Variants in LRRTM4 observed in about 807,000 individuals in gnomAD.
LRRTM4 encodes the protein leucine rich repeat transmembrane neuronal 4.
In LRRTM4, 25 loss-of-function variants were observed where a neutral mutation model predicts 47.6. The ratio of observed to expected loss-of-function variants is 0.53; its 90% CI spans 0.38 to 0.73. The LOEUF is 0.73. Among genes scored for constraint, LRRTM4 ranks in the 30% least tolerant of loss-of-function variants. LRRTM4 has a pLI of 0.00. For missense variants in LRRTM4, 638 were observed against 713.4 expected (o/e 0.89, Z 1.20); for synonymous variants, 311 against 269.5 (o/e 1.15, Z -1.51).
chr2:76,924,672 C>T (rs1356284374), intron 3 of LRRTM4, among the ~76,000 whole-genome samples: 1 of 151,778 alleles, frequency 6.6e-6, no homozygotes, highest in African/African-American at 2.4e-5. Flanking sequence ...TTTGCATTGG[C>T]TTATGCATGA....
chr2:77,126,529 A>T (rs1428253113), intron 3 of LRRTM4, among the ~76,000 whole-genome samples: 1 of 152,172 alleles, frequency 6.6e-6, no homozygotes, highest in African/African-American at 2.4e-5. Flanking sequence ...GCTACGTATA[A>T]TGGTGATTCC....
chr2:77,162,368 C>T (rs1672754359), intron 3 of LRRTM4, among the ~76,000 whole-genome samples: 1 of 152,184 alleles, frequency 6.6e-6, no homozygotes, highest in Admixed American at 6.6e-5. Flanking sequence ...GAGGCCTGCC[C>T]TACTTCTGTA....
At chr2:76,944,311 C>A (rs746581944) in intron 3 of LRRTM4, among the ~76,000 whole-genome samples, 5 of 152,130 alleles carry the variant, frequency 3.3e-5, no homozygotes, top group African/African-American at 9.7e-5. Context: ...ACACTCAAAT[C>A]TGTATAAAAT....
At chr2:76,955,375 G>C (rs1206279921) in intron 3 of LRRTM4, among the ~76,000 whole-genome samples, 1 of 151,806 alleles carries the variant, frequency 6.6e-6, no homozygotes, top group Non-Finnish European at 1.5e-5. Context: ...TGTGATTCAA[G>C]TTAAGTTGTT....
chr2:77,246,479 CAAATT>C (rs1421791452), intron 3 of LRRTM4, among the ~76,000 whole-genome samples: 1 of 152,040 alleles, frequency 6.6e-6, no homozygotes, highest in Non-Finnish European at 1.5e-5. Context: ...AAATTAAAAT[CAAATT>C]AAATTAAATA....
chr2:77,018,436 T>C (rs1350206877), intron 3 of LRRTM4, among the ~76,000 whole-genome samples: 2 of 152,056 alleles, frequency 1.3e-5, no homozygotes, highest in Non-Finnish European at 2.9e-5. Flanking sequence ...GTAGCTGCCA[T>C]ATCATATCTG....
intron 3 of LRRTM4, among the ~76,000 whole-genome samples, chr2:76,778,912 C>T (rs1171535872): frequency 9.2e-5 from 14 of 151,616 alleles, no homozygotes; most frequent in South Asian, 4.2e-4. Context: ...CTATAAATTT[C>T]CCTTTACACA....
chr2:77,445,601 G>A (rs1446979127), intron 3 of LRRTM4, among the ~76,000 whole-genome samples: 1 of 151,984 alleles, frequency 6.6e-6, no homozygotes, highest in Middle Eastern at 3.2e-3. Context: ...CATCAATGAA[G>A]CACATTTGGA....
intron 3 of LRRTM4, among the ~76,000 whole-genome samples, chr2:76,750,714 T>C (rs1183932826): frequency 6.6e-6 from 1 of 152,170 alleles, no homozygotes; most frequent in African/African-American, 2.4e-5. Flanking sequence ...ACTATGCAAG[T>C]TCCTCAAATG....
At chr2:77,418,622 T>A (rs573654351) in intron 3 of LRRTM4, among the ~76,000 whole-genome samples, 20 of 152,258 alleles carry the variant, frequency 1.3e-4, no homozygotes, top group African/African-American at 4.8e-4. Flanking sequence ...CACCTCAATA[T>A]CTCTTTCACC....
intron 3 of LRRTM4, among the ~76,000 whole-genome samples, chr2:76,905,160 G>A (rs533916723): frequency 2.0e-5 from 3 of 152,124 alleles, no homozygotes; most frequent in Non-Finnish European, 2.9e-5. Context: ...AACTTCCAGA[G>A]GAACGATCAG....
chr2:77,088,038 CAAGT>C (rs1411880899), intron 3 of LRRTM4, among the ~76,000 whole-genome samples: 2 of 152,266 alleles, frequency 1.3e-5, no homozygotes, highest in African/African-American at 4.8e-5. Context: ...ACAACAAATA[CAAGT>C]AAGTGTGCTG....
At chr2:77,387,786 A>T (rs2103807224) in intron 3 of LRRTM4, among the ~76,000 whole-genome samples, 1 of 152,278 alleles carries the variant, frequency 6.6e-6, no homozygotes, top group East Asian at 1.9e-4. Flanking sequence ...AAAAAGCAGG[A>T]AAACGGTAAT....
intron 3 of LRRTM4, among the ~76,000 whole-genome samples, chr2:77,392,814 A>C (rs1673554675): frequency 6.6e-6 from 1 of 152,066 alleles, no homozygotes; most frequent in Non-Finnish European, 1.5e-5. Flanking sequence ...CATGGTGACT[A>C]ATAGCATAGC....
At position 77,366,192 on chromosome 2, in the gene LRRTM4, G is replaced by A. The variant is rs552575848; in HGVS notation, c.1551+152126C>T. On this transcript the variant is annotated intron_variant, in intron 3 of 3. Transcript: ENST00000409884. The stretch of plus-strand genomic sequence containing the variant: ...CTCAAACATTCACCCAATCCAATCT[G>A]GCCTCTTCTGCTGCCCTCCCTGACA... Among the ~76,000 whole-genome samples, 40 of 151,716 alleles carry A rather than the reference G, an allele frequency of 2.6e-4. 1 individual carries two copies. The highest frequency in any genetic ancestry group is 1.2e-3 in the South Asian group (6 of 4,824).
intron 3 of LRRTM4, among the ~76,000 whole-genome samples, chr2:77,480,123 C>G (rs904181954): frequency 3.9e-5 from 6 of 152,046 alleles, no homozygotes; most frequent in African/African-American, 1.4e-4. Context: ...GAGATGGGGT[C>G]TGACTCAGCC....
At chr2:77,421,445 TGCCTATAATCCCAGCACTTCGGGAGGCC>T in intron 3 of LRRTM4, among the ~76,000 whole-genome samples, 2 of 152,234 alleles carry the variant, frequency 1.3e-5, no homozygotes, top group Admixed American at 1.3e-4. Context: ...TGGTGGCTCA[TGCCTATAATCCCAGCACTTCGGGAGGCC>T]GAGGCGGGCG....
intron 3 of LRRTM4, among the ~76,000 whole-genome samples, chr2:76,902,239 C>T (rs1573284700): frequency 6.6e-6 from 1 of 152,146 alleles, no homozygotes; most frequent in African/African-American, 2.4e-5. Context: ...GGCCCTCTGG[C>T]TACACCCAGA....
chr2:76,919,814 T>C (rs182621178), intron 3 of LRRTM4, among the ~76,000 whole-genome samples: 46 of 152,300 alleles, frequency 3.0e-4, no homozygotes, highest in African/African-American at 1.1e-3. Context: ...AAAAAGTATA[T>C]CTTCTGACAG....
Sources: gnomAD v4.1 joint callset for allele counts (sites outside exome capture counted in the v4.1 genomes callset) on GRCh38, gnomAD v4.1.1 for gene constraint, MANE v1.5 for transcripts, NCBI Gene and HGNC (gene_info 2026-07-23, HGNC 2026-07-21) for gene names.